The following SAXO2 variants were observed in gnomAD, a reference collection of about 807,000 sequenced individuals.
SAXO2 encodes the protein stabilizer of axonemal microtubules 2, also known as family with sequence similarity 154, member B.
Under a neutral mutation model 18.7 loss-of-function variants are expected in SAXO2, and 17 were observed. The observed-to-expected ratio is 0.91, with a 90% CI of 0.62 to 1.36. SAXO2 has a LOEUF of 1.36. Ranked by LOEUF, SAXO2 falls within the 40% of genes most tolerant of loss-of-function variation. The probability of loss-of-function intolerance (pLI) is 0.00; values close to 1 mark genes in which losing one functional copy is unlikely to be tolerated. For synonymous variants in SAXO2, 163 were observed against 181.2 expected, an observed-to-expected ratio of 0.90 and a Z score of 0.81; for missense variants, 486 against 562.6, an observed-to-expected ratio of 0.86 and a Z score of 1.38.
intron 2 of SAXO2, among the ~76,000 whole-genome samples, chr15:82,269,475 A>G (rs554758195): frequency 6.6e-6 from 1 of 152,336 alleles, no homozygotes; most frequent in Admixed American, 6.5e-5. Context: ...CAACGGTGAG[A>G]GTTGAGGCTA....
intron 3 of SAXO2, among the ~76,000 whole-genome samples, chr15:82,276,058 A>C (rs149688306): frequency 6.6e-6 from 1 of 152,244 alleles, no homozygotes; most frequent in Non-Finnish European, 1.5e-5. Context: ...AAGTCTCAGC[A>C]TACAAAATCA....
At position 82,271,689 on chromosome 15, in the gene SAXO2, G is replaced by GTAC. The variant is rs750946284; in HGVS notation, c.324_326dup (p.Thr109dup). ...CCAAAACAAGGGAAGATTGATCTTG[G>GTAC]TACTACCTACAAACGGGATTTGAAT... On this transcript the variant is annotated inframe_insertion, in exon 3 of 4. Coordinates refer to ENST00000682753, the MANE Select transcript of SAXO2 (RefSeq NM_001348699.2). 15 of 1,614,052 alleles carry GTAC rather than the reference G, an allele frequency of 9.3e-6. No individual in the cohort carries two copies. In the South Asian group the frequency reaches 1.6e-4, roughly 18 times the overall value.
At chr15:82,276,558 C>T (rs1358749666) in intron 3 of SAXO2, among the ~76,000 whole-genome samples, 1 of 152,034 alleles carries the variant, frequency 6.6e-6, no homozygotes, top group Admixed American at 6.5e-5. Flanking sequence ...AGCCAGACAC[C>T]TAGAACCACC....
At chr15:82,266,068 C>T (rs2075214815) in intron 2 of SAXO2, among the ~76,000 whole-genome samples, 1 of 151,178 alleles carries the variant, frequency 6.6e-6, no homozygotes, top group Non-Finnish European at 1.5e-5. Flanking sequence ...TTCCCTGGGC[C>T]ACATTGGAAG....
In SAXO2 at chr15:82,275,516, C is replaced by G. The variant is rs146379702; in HGVS notation, c.433+3714C>G. Among the ~76,000 whole-genome samples, 1,030 of 152,088 alleles carry G rather than the reference C, an allele frequency of 6.8e-3. 14 individuals carry two copies. Among genetic ancestry groups the G allele is most frequent in the African/African-American group, 0.023 (950 of 41,514 alleles). On this transcript the variant is annotated intron_variant, in intron 3 of 3. Coordinates refer to ENST00000682753, the MANE Select transcript of SAXO2 (RefSeq NM_001348699.2). ...AGACCATGGTCCCTGAACACAGATG[C>G]AAAAATCCTCAAAAAATACTAGCAC...
intron 3 of SAXO2, among the ~76,000 whole-genome samples, chr15:82,278,631 T>G (rs2075336251): frequency 6.6e-6 from 1 of 152,180 alleles, no homozygotes; most frequent in South Asian, 2.1e-4. Context: ...CTTGAAAGCT[T>G]CATCCAGATA....
chr15:82,263,115 C>T (rs1352604015), intron 1 of SAXO2, 183 bp downstream of exon 1: 15 of 1,480,938 alleles, frequency 1.0e-5, no homozygotes, highest in African/African-American at 7.1e-5. Context: ...GCCTGCTACC[C>T]GGGGGTAAAA....
At chr15:82,272,001 GA>G in intron 3 of SAXO2, 199 bp downstream of exon 3, 1 of 516,292 alleles carries the variant, frequency 1.9e-6, no homozygotes. Context: ...AGTGGTAAAA[GA>G]CCCACAATCC....
In SAXO2 at chr15:82,265,672, C is replaced by G. The variant is rs1425908050; in HGVS notation, c.157C>G (p.Leu53Val). 3 of 1,519,652 alleles carry G rather than the reference C, an allele frequency of 2.0e-6. No individual in the cohort carries two copies. Among genetic ancestry groups the G allele is most frequent in the Non-Finnish European group, 2.6e-6 (3 of 1,140,716 alleles). 94.1% of individuals were successfully genotyped at this position (1,519,652 alleles called of 1,614,324 possible). The change falls in exon 2 of 4, where the codon CTT (leucine) becomes GTT (valine). Residue 53 changes from leucine (L) to valine (V), a missense_variant. Leu to Val is a conservative substitution (Grantham distance 32). Coordinates refer to ENST00000682753, the MANE Select transcript of SAXO2 (RefSeq NM_001348699.2). ...LEKYPMYDNV[L>V]PPQSLKAKQE... ...AAAATATCCTATGTATGACAATGTT[C>G]TTCCACCTCAGAGTCTTAAAGCCAA... is the stretch of plus-strand genomic sequence containing the variant.
chr15:82,277,726 G>A (rs1465216915), intron 3 of SAXO2, among the ~76,000 whole-genome samples: 1 of 152,174 alleles, frequency 6.6e-6, no homozygotes, highest in Non-Finnish European at 1.5e-5. Flanking sequence ...TGAGACAGGA[G>A]GCAAGCACTG....
chr15:82,262,867 G>A lies in SAXO2; in HGVS notation c.-13G>A. On this transcript the variant is annotated 5_prime_UTR_variant, in exon 1 of 4. Transcript: ENST00000682753. Reference sequence around the variant, plus strand: ...GGAGAAGCTGCAAGTGCTGAGGCGCGGTGGAGGAAAGCATGGGAGCCAAGA... The same window carrying A: ...GGAGAAGCTGCAAGTGCTGAGGCGCAGTGGAGGAAAGCATGGGAGCCAAGA... The A allele has an allele frequency of 6.3e-7, 1 of 1,585,858 alleles. No individual in the cohort carries two copies. Among genetic ancestry groups the A allele is most frequent in the Non-Finnish European group, 8.6e-7 (1 of 1,166,442 alleles).
intron 2 of SAXO2, among the ~76,000 whole-genome samples, chr15:82,266,488 A>G (rs2075219729): frequency 6.6e-6 from 1 of 152,190 alleles, no homozygotes; most frequent in Admixed American, 6.5e-5. Context: ...CTCACTATTT[A>G]CTTCTCTAAT....
chr15:82,273,407 T>A (rs2075289005), intron 3 of SAXO2, among the ~76,000 whole-genome samples: 1 of 152,246 alleles, frequency 6.6e-6, no homozygotes, highest in Non-Finnish European at 1.5e-5. Flanking sequence ...TGATTCATAC[T>A]TTATTTAGGT....
At chr15:82,267,456 C>T (rs1236891263) in intron 2 of SAXO2, among the ~76,000 whole-genome samples, 2 of 152,166 alleles carry the variant, frequency 1.3e-5, no homozygotes, top group Admixed American at 6.5e-5. Flanking sequence ...AAGCATTTCC[C>T]AGCTTCACTT....
At chr15:82,271,566 A>T in intron 2 of SAXO2, 37 bp from the exon 3 acceptor site, 1 of 1,506,538 alleles carries the variant, frequency 6.6e-7, no homozygotes, top group Non-Finnish European at 9.0e-7. Context: ...GGAATAAAAG[A>T]ACTTGTGAGG....
intron 3 of SAXO2, among the ~76,000 whole-genome samples, chr15:82,279,920 A>T (rs1382846207): frequency 1.3e-5 from 2 of 152,204 alleles, no homozygotes; most frequent in African/African-American, 4.8e-5. Flanking sequence ...AAACTTTCTA[A>T]CCAGATTTTA....
At chr15:82,272,004 C>T (rs1414992014) in intron 3 of SAXO2, 13 of 486,024 alleles carry the variant, frequency 2.7e-5, no homozygotes, top group Non-Finnish European at 4.0e-5. Flanking sequence ...GGTAAAAGAC[C>T]CACAATCCCA....
rs1367823976 is a variant in SAXO2 at position 82,262,970 on chromosome 15, G to A, written c.53+38G>A. On this transcript the variant is annotated intron_variant, in intron 1 of 3. Transcript: ENST00000682753. ...TGGTGTAGCGGCGGGCCCGGGCTTGGGAGCCGACCTAGGGCCTAGGTGCAC... is the reference window on the plus strand; with the variant it reads ...TGGTGTAGCGGCGGGCCCGGGCTTGAGAGCCGACCTAGGGCCTAGGTGCAC... The A allele has an allele frequency of 3.2e-6, 5 of 1,577,842 alleles. No homozygotes were observed. In the South Asian group the frequency reaches 5.8e-5, roughly 18 times the overall value.
At chr15:82,277,078 T>C (rs2075321597) in intron 3 of SAXO2, among the ~76,000 whole-genome samples, 1 of 152,202 alleles carries the variant, frequency 6.6e-6, no homozygotes, top group African/African-American at 2.4e-5. Context: ...GGTAAAAATA[T>C]CCATTTAAGT....
Sources: allele counts gnomAD v4.1 joint callset (sites outside exome capture counted in the v4.1 genomes callset), GRCh38; gene constraint gnomAD v4.1.1; transcripts MANE v1.5; gene names NCBI Gene and HGNC (gene_info 2026-07-23, HGNC 2026-07-21).